DNAH12: variants seen among roughly 807,000 people sequenced by gnomAD.
DNAH12 encodes axonemal beta dynein heavy chain 12.
In DNAH12, 285 loss-of-function variants were observed where a neutral mutation model predicts 371.5. The ratio of observed to expected loss-of-function variants is 0.77; its 90% confidence interval spans 0.70 to 0.85. The LOEUF is 0.85. Ranked by LOEUF, DNAH12 falls within the 40% of genes least tolerant of loss-of-function variation. The probability of loss-of-function intolerance (pLI) is 0.00; values close to 1 mark genes in which losing one functional copy is unlikely to be tolerated. For synonymous variants in DNAH12, 1,200 were observed against 1,213.0 expected, an observed-to-expected ratio of 0.99 and a Z score of 0.22; for missense variants, 3,611 against 3,689.4, an observed-to-expected ratio of 0.98 and a Z score of 0.55.
At chr3:57,465,421 G>T (rs1357771888) in intron 17 of DNAH12, among the ~76,000 whole-genome samples, 1 of 151,904 alleles carries the variant, frequency 6.6e-6, no homozygotes, top group Admixed American at 6.6e-5. Context: ...GTTTTATAAG[G>T]CCAACATAAC....
chr3:57,405,713 C>T lies in DNAH12; in HGVS notation c.6516G>A (p.Lys2172=), dbSNP rs1165987114. The part of the protein sequence containing the change: ...WLFQLTKTVI[K]DHFKESFHSI... Reference sequence around the variant, plus strand: ...TGTGAAATGATTCTTTAAAATGGTCCTTTATAACAGTTTTAGTTAACTGGA... The same window carrying T: ...TGTGAAATGATTCTTTAAAATGGTCTTTTATAACAGTTTTAGTTAACTGGA... Residue 2172 remains lysine (K), a synonymous_variant, in exon 41 of 74, where the codon AAG becomes AAA. Coordinates refer to ENST00000495027, the MANE Select transcript of DNAH12 (RefSeq NM_001366028.2). 3.9e-6 allele frequency: 6 copies of T among 1,551,442 alleles called. No homozygotes were observed. Among genetic ancestry groups the T allele is most frequent in the Non-Finnish European group, 4.4e-6 (5 of 1,146,988 alleles).
rs369593506 is a variant in DNAH12 at position 57,423,551 on chromosome 3, T to C, written c.5373+1471A>G. Among the ~76,000 whole-genome samples the C allele has an allele frequency of 1.5e-4, 23 of 151,838 alleles. No individual in the cohort carries two copies. The South Asian group carries it at 4.8e-3, about 32-fold the overall frequency. Reference sequence around the variant, plus strand: ...GGCAGCAGATACTTTGGGCAGCAAATGGAAGGAAAAACAATGGGAGGGAAC... The same window carrying C: ...GGCAGCAGATACTTTGGGCAGCAAACGGAAGGAAAAACAATGGGAGGGAAC... On this transcript the variant is annotated intron_variant, in intron 35 of 73. Coordinates refer to ENST00000495027, the MANE Select transcript of DNAH12 (RefSeq NM_001366028.2).
chr3:57,297,469 T>C (rs1575413362), intron 70 of DNAH12, among the ~76,000 whole-genome samples: 1 of 151,778 alleles, frequency 6.6e-6, no homozygotes, highest in African/African-American at 2.4e-5. Flanking sequence ...GATTCTCCTG[T>C]CTCAGCCTCC....
At chr3:57,527,462 G>C (rs1218998436) in intron 2 of DNAH12, among the ~76,000 whole-genome samples, 4 of 152,202 alleles carry the variant, frequency 2.6e-5, no homozygotes, top group Non-Finnish European at 5.9e-5. Flanking sequence ...ATCTGCTGTT[G>C]GGGAGGCCTC....
chr3:57,393,390 G>C (rs2063665959), intron 44 of DNAH12, among the ~76,000 whole-genome samples: 4 of 152,036 alleles, frequency 2.6e-5, no homozygotes, highest in African/African-American at 9.7e-5. Flanking sequence ...CACTTTGGGG[G>C]GCCGAGGCAG....
At chr3:57,332,974 C>G (rs1456881257) in intron 62 of DNAH12, among the ~76,000 whole-genome samples, 1 of 152,150 alleles carries the variant, frequency 6.6e-6, no homozygotes, top group Non-Finnish European at 1.5e-5. Context: ...TTGAAAGGAA[C>G]AATTCAAACT....
chr3:57,517,140 C>T (rs956359837), intron 4 of DNAH12, among the ~76,000 whole-genome samples: 9 of 152,130 alleles, frequency 5.9e-5, no homozygotes, highest in African/African-American at 7.2e-5. Flanking sequence ...ACCTCAGGGA[C>T]GCCTTCTCTA....
chr3:57,463,045 G>A (rs1383320300), intron 17 of DNAH12, among the ~76,000 whole-genome samples, 170 bp from the exon 18 acceptor site: 1 of 151,998 alleles, frequency 6.6e-6, no homozygotes, highest in Non-Finnish European at 1.5e-5. Context: ...GAGATACTAA[G>A]AAAATGAACC....
At chr3:57,409,205 G>A (rs1256434597) in intron 39 of DNAH12, among the ~76,000 whole-genome samples, 3 of 152,122 alleles carry the variant, frequency 2.0e-5, no homozygotes, top group African/African-American at 4.8e-5. Context: ...CAGAGTAAAA[G>A]GTTGCTATTG....
At chr3:57,348,195 C>T (rs1303404138) in intron 60 of DNAH12, among the ~76,000 whole-genome samples, 3 of 152,064 alleles carry the variant, frequency 2.0e-5, no homozygotes, top group Admixed American at 6.6e-5. Context: ...AAGAAATAAG[C>T]TAGCAAGCCA....
At chr3:57,352,335 G>T in intron 59 of DNAH12, 110 bp from the exon 60 acceptor site, 1 of 1,173,498 alleles carries the variant, frequency 8.5e-7, no homozygotes, top group Non-Finnish European at 1.2e-6. Flanking sequence ...TATTAAAAAC[G>T]TATAAAGATA....
At chr3:57,511,146 C>A (rs775912699) in intron 4 of DNAH12, among the ~76,000 whole-genome samples, 167 bp from the exon 5 acceptor site, 1 of 151,976 alleles carries the variant, frequency 6.6e-6, no homozygotes, top group Non-Finnish European at 1.5e-5. Context: ...CACAAAGAAA[C>A]CATTTTATCT....
chr3:57,304,885 G>A (rs930025880), intron 69 of DNAH12, among the ~76,000 whole-genome samples: 2 of 151,590 alleles, frequency 1.3e-5, no homozygotes, highest in African/African-American at 4.9e-5. Flanking sequence ...CCTTCTCTTC[G>A]TGTCTCTACT....
chr3:57,414,253 A>G (rs2064296679), intron 38 of DNAH12, among the ~76,000 whole-genome samples: 1 of 152,212 alleles, frequency 6.6e-6, no homozygotes, highest in Non-Finnish European at 1.5e-5. Flanking sequence ...ATTGTTACAC[A>G]TGTATATTTA....
rs749637889 is a variant in DNAH12 at position 57,510,855 on chromosome 3, T to C, written c.404A>G (p.Glu135Gly). The change falls in exon 5 of 74, where the codon GAA (glutamate) becomes GGA (glycine). Residue 135 changes from glutamate to glycine, a missense_variant. Glu to Gly is a moderately conservative substitution (Grantham distance 98). This residue lies in a region of DNAH12 where 1,314 missense variants were observed against 1,398.7 expected (regional missense o/e 0.94). Coordinates refer to ENST00000495027, the MANE Select transcript of DNAH12 (RefSeq NM_001366028.2). ...ESLKEGKERE[E>G]LLESLINEVS... ...CTCATTTATGAGACTTTCAAGAAGTTCTTCTCTTTCTTTCCCTTCCTTTAA... is the reference window on the plus strand; with the variant it reads ...CTCATTTATGAGACTTTCAAGAAGTCCTTCTCTTTCTTTCCCTTCCTTTAA... 4 of 1,613,968 alleles carry C rather than the reference T, an allele frequency of 2.5e-6. No homozygotes were observed. In the African/African-American group the frequency reaches 4.0e-5, roughly 16 times the overall value.
At chr3:57,534,806 G>A (rs1353114751) in intron 2 of DNAH12, among the ~76,000 whole-genome samples, 1 of 152,068 alleles carries the variant, frequency 6.6e-6, no homozygotes, top group African/African-American at 2.4e-5. Context: ...ACTATGCCTG[G>A]CCAGTTAGCT....
intron 4 of DNAH12, among the ~76,000 whole-genome samples, chr3:57,511,716 G>A (rs1432301703): frequency 6.6e-6 from 1 of 152,150 alleles, no homozygotes; most frequent in Non-Finnish European, 1.5e-5. Flanking sequence ...TAGCACAGGT[G>A]TATGGATAGA....
chr3:57,405,817 T>C lies in DNAH12; in HGVS notation c.6412A>G (p.Met2138Val), dbSNP rs980431974. 51 of 1,551,574 alleles carry C rather than the reference T, an allele frequency of 3.3e-5. No homozygotes were observed. The highest frequency in any genetic ancestry group is 1.7e-4 in the Middle Eastern group (1 of 6,014). Residue 2138 changes from methionine to valine, a missense_variant, in exon 41 of 74, where the codon ATG becomes GTG. By Grantham distance (21) the Met-to-Val change is conservative. Transcript: ENST00000495027. ...ACCTCATGCACAAACAGACGGATCA[T>C]AGTGTGTTTGTTCGCCACGGCGTCT... The part of the protein sequence containing the change: ...ERDAVANKHT[M>V]IRLFVHEVLR...
At chr3:57,519,734 C>A in intron 4 of DNAH12, 1 of 1,611,004 alleles carries the variant, frequency 6.2e-7, no homozygotes, top group Non-Finnish European at 8.5e-7. Context: ...TTCTGTTTCA[C>A]CCACAGGGAC....
Sources: allele counts gnomAD v4.1 joint callset (sites outside exome capture counted in the v4.1 genomes callset), GRCh38; gene constraint gnomAD v4.1.1; regional missense constraint gnomAD v4.1.1; transcripts MANE v1.5; gene names NCBI Gene and HGNC (gene_info 2026-07-23, HGNC 2026-07-21).